The following IQGAP2 variants were observed in gnomAD, a reference collection of about 807,000 sequenced individuals.
IQGAP2 encodes ras GTPase-activating-like protein IQGAP2.
In IQGAP2, 173 loss-of-function variants were observed where a neutral mutation model predicts 201.3. That is an observed-to-expected ratio of 0.86 (90% CI 0.76 to 0.98). The LOEUF is 0.98. Among genes scored for constraint, IQGAP2 ranks in the 50% least tolerant of loss-of-function variants. The probability of loss-of-function intolerance (pLI) is 0.00; values close to 1 mark genes in which losing one functional copy is unlikely to be tolerated. For missense variants in IQGAP2, 1,687 were observed against 1,864.8 expected, an observed-to-expected ratio of 0.90 and a Z score of 1.76; for synonymous variants, 675 against 673.9, an observed-to-expected ratio of 1.00 and a Z score of -0.03.
At chr5:76,439,603 G>A (rs1394217449) in intron 1 of IQGAP2, among the ~76,000 whole-genome samples, 2 of 151,734 alleles carry the variant, frequency 1.3e-5, no homozygotes, top group East Asian at 3.9e-4. Flanking sequence ...GACCTTCTTT[G>A]TCTTTTTTTT....
intron 13 of IQGAP2, chr5:76,617,850 A>G: frequency 6.2e-6 from 10 of 1,614,056 alleles, no homozygotes; most frequent in Non-Finnish European, 7.6e-6. Flanking sequence ...AAGTGTCCGG[A>G]TGATGGCTGC....
At chr5:76,501,312 C>T (rs1757258085) in intron 2 of IQGAP2, among the ~76,000 whole-genome samples, 1 of 152,054 alleles carries the variant, frequency 6.6e-6, no homozygotes, top group Non-Finnish European at 1.5e-5. Context: ...GCTTGTAATC[C>T]TAGCCCTTTG....
At chr5:76,674,383 T>C (rs954749409) in intron 26 of IQGAP2, 94 bp from the exon 27 acceptor site, 44 of 690,016 alleles carry the variant, frequency 6.4e-5, no homozygotes, top group Non-Finnish European at 1.1e-4. Context: ...TCTTGGGAAA[T>C]GTAGGAGAAT....
Position 76,403,523 on chromosome 5 carries a change from GC to G in IQGAP2, c.-22del. 1 of 1,480,462 alleles carries G rather than the reference GC, an allele frequency of 6.8e-7. No individual in the cohort carries two copies. Among genetic ancestry groups the G allele is most frequent in the Non-Finnish European group, 8.9e-7 (1 of 1,121,836 alleles). The allele number at this position is 1,480,462 out of a possible 1,614,324, so 91.7% of individuals were successfully genotyped here. ...GGTAGCCGCGGGGGGCGCGCCCCGG[GC>G]GGGCCCCCGGAGACGCGCAGGATGC... is the stretch of plus-strand genomic sequence containing the variant. On this transcript the variant is annotated 5_prime_UTR_variant, in exon 1 of 36. Transcript: ENST00000274364. The surrounding 1 kb of genome is among the most constrained non-coding windows in gnomAD (Gnocchi z 4.8).
intron 2 of IQGAP2, among the ~76,000 whole-genome samples, chr5:76,465,907 C>T (rs1754748176): frequency 6.6e-6 from 1 of 152,158 alleles, no homozygotes; most frequent in Non-Finnish European, 1.5e-5. Flanking sequence ...AGAAAGACAT[C>T]TCATGTTCAT....
intron 1 of IQGAP2, among the ~76,000 whole-genome samples, chr5:76,438,031 G>GTTTTTTTTTTTTTTTTTTT (rs1561371555): frequency 1.8e-5 from 1 of 54,614 alleles, no homozygotes. Context: ...TTTTTTTTTT[G>GTTTTTTTTTTTTTTTTTTT]TTTGTTTTTT....
At chr5:76,427,843 C>T (rs961654795) in intron 1 of IQGAP2, among the ~76,000 whole-genome samples, 3 of 152,170 alleles carry the variant, frequency 2.0e-5, no homozygotes, top group African/African-American at 4.8e-5. Flanking sequence ...AGGCTCTGAG[C>T]GGGGGCAGCA....
chr5:76,676,578 C>G (rs1744842327), intron 27 of IQGAP2, among the ~76,000 whole-genome samples: 1 of 152,216 alleles, frequency 6.6e-6, no homozygotes, highest in African/African-American at 2.4e-5. Flanking sequence ...CACAGCATGC[C>G]TCACTTCTCT....
rs1561383602 is a variant in IQGAP2, at chr5:76,454,292, T to TATATATA, written c.47-7278_47-7277insATATATA. ...AAAAAGAAATTAGATATATATATAT[T>TATATATA]TTTTAATTATTATTATACTTTAAGT... On this transcript the variant is annotated intron_variant, in intron 1 of 35. Transcript: ENST00000274364. Among the ~76,000 whole-genome samples, 56 of 151,936 alleles carry TATATATA rather than the reference T, an allele frequency of 3.7e-4. No homozygotes were observed. In the South Asian group the frequency reaches 5.0e-3, roughly 14 times the overall value.
In IQGAP2 at chr5:76,604,924, G is replaced by A. The variant is rs185058663; in HGVS notation, c.1233-1255G>A. Among the ~76,000 whole-genome samples, 372 of 152,210 alleles carry A rather than the reference G, an allele frequency of 2.4e-3. 8 individuals carry two copies. Among genetic ancestry groups the A allele is most frequent in the East Asian group, 1.9e-3 (10 of 5,182 alleles). On this transcript the variant is annotated intron_variant, in intron 11 of 35. Coordinates refer to ENST00000274364, the MANE Select transcript of IQGAP2 (RefSeq NM_006633.5). ...AGCATGCAGAATTTTGAAAAAGTTT[G>A]TCACAACCAAGAAAACAGTTTTAGA...
chr5:76,482,764 C>T (rs1224324742), intron 2 of IQGAP2, among the ~76,000 whole-genome samples: 2 of 152,208 alleles, frequency 1.3e-5, no homozygotes, highest in African/African-American at 4.8e-5. Context: ...TTATCAGGCT[C>T]AATGTAGCCT....
At chr5:76,519,858 A>C (rs1303337501) in intron 2 of IQGAP2, among the ~76,000 whole-genome samples, 4 of 152,166 alleles carry the variant, frequency 2.6e-5, no homozygotes, top group Non-Finnish European at 5.9e-5. Flanking sequence ...CTATCTGCTC[A>C]ACTCTTTTGC....
intron 11 of IQGAP2, among the ~76,000 whole-genome samples, chr5:76,604,322 T>TTA (rs1027396677): frequency 1.3e-5 from 2 of 151,922 alleles, no homozygotes; most frequent in Admixed American, 6.6e-5. Flanking sequence ...CCTTTTTTTT[T>TTA]ATGGCTGCAT....
At chr5:76,670,492 C>T (rs913911877) in intron 23 of IQGAP2, among the ~76,000 whole-genome samples, 23 of 152,158 alleles carry the variant, frequency 1.5e-4, no homozygotes, top group African/African-American at 4.8e-4. Context: ...CCAGCCTGGG[C>T]GACAGAGCCA....
At chr5:76,649,189 A>G (rs896636169) in intron 17 of IQGAP2, among the ~76,000 whole-genome samples, 1 of 152,188 alleles carries the variant, frequency 6.6e-6, no homozygotes, top group African/African-American at 2.4e-5. Context: ...ATGACAGAGG[A>G]TTTTTCATAA....
chr5:76,621,527 T>C (rs1749669953), intron 13 of IQGAP2, among the ~76,000 whole-genome samples: 1 of 152,210 alleles, frequency 6.6e-6, no homozygotes, highest in Non-Finnish European at 1.5e-5. Flanking sequence ...TAGAGAATGG[T>C]GCCTGAAGAG....
chr5:76,491,241 T>A (rs1350784364), intron 2 of IQGAP2, among the ~76,000 whole-genome samples: 1 of 152,186 alleles, frequency 6.6e-6, no homozygotes, highest in Non-Finnish European at 1.5e-5. Flanking sequence ...ACTGGCTCTC[T>A]GGGTGTGTTT....
At position 76,600,851 on chromosome 5, in the gene IQGAP2, ATGT is replaced by A. The variant is rs769603590; in HGVS notation, c.1115_1117del (p.Leu372del). On this transcript the variant is annotated inframe_deletion, in exon 11 of 36. Coordinates refer to ENST00000274364, the MANE Select transcript of IQGAP2 (RefSeq NM_006633.5). ...CGAGGAGCTTTTGATTGCTGTGGAA[ATGT>A]TGTCTGCTGTTGCTTTACTAAACCA... 7 of 1,614,158 alleles carry A rather than the reference ATGT, an allele frequency of 4.3e-6. No individual in the cohort carries two copies. The highest frequency in any genetic ancestry group is 1.6e-4 in the Middle Eastern group (1 of 6,062).
chr5:76,681,045 G>C (rs1745238014), intron 28 of IQGAP2, among the ~76,000 whole-genome samples: 1 of 128,152 alleles, frequency 7.8e-6, no homozygotes, highest in Non-Finnish European at 1.6e-5. Context: ...GGTGGAGCTT[G>C]CAGTGAACCA....
Sources: allele counts gnomAD v4.1 joint callset (sites outside exome capture counted in the v4.1 genomes callset), GRCh38; gene constraint gnomAD v4.1.1; non-coding constraint Gnocchi (gnomAD v3.1); transcripts MANE v1.5; gene names NCBI Gene and HGNC (gene_info 2026-07-23, HGNC 2026-07-21).